Variants in GLI3 observed in about 807,000 individuals in gnomAD.
The protein encoded by GLI3 is GLI family zinc finger 3, also known as transcription activator GLI3.
In GLI3, 20 loss-of-function variants were observed where a neutral mutation model predicts 100.8. That is an observed-to-expected ratio of 0.20 (90% CI 0.14 to 0.29). The LOEUF is 0.29. Ranked by LOEUF, GLI3 falls within the 10% of genes least tolerant of loss-of-function variation. GLI3 has a pLI of 1.00. For synonymous variants in GLI3, 938 were observed against 860.5 expected, an observed-to-expected ratio of 1.09 and a Z score of -1.58; for missense variants, 2,040 against 2,128.5, an observed-to-expected ratio of 0.96 and a Z score of 0.82.
At chr7:42,092,750 C>T (rs1323583775) in intron 3 of GLI3, among the ~76,000 whole-genome samples, 2 of 152,068 alleles carry the variant, frequency 1.3e-5, no homozygotes, top group African/African-American at 4.8e-5. Flanking sequence ...CCATCCAGGG[C>T]ACAGGATTTG....
At chr7:42,011,235 G>C in intron 10 of GLI3, among the ~76,000 whole-genome samples, 1 of 152,274 alleles carries the variant, frequency 6.6e-6, no homozygotes, top group African/African-American at 2.4e-5. Flanking sequence ...CCCCAGCCCA[G>C]GGGAGCTTAG....
At chr7:42,058,020 T>G (rs756854440) in intron 4 of GLI3, among the ~76,000 whole-genome samples, 12 of 151,930 alleles carry the variant, frequency 7.9e-5, no homozygotes, top group Non-Finnish European at 1.6e-4. Context: ...CAAAAACCAC[T>G]TGTACCCCAA....
chr7:42,137,080 G>A (rs1786446676), intron 3 of GLI3, among the ~76,000 whole-genome samples: 1 of 152,204 alleles, frequency 6.6e-6, no homozygotes, highest in South Asian at 2.1e-4. Context: ...TTCCTCATAT[G>A]TCAAAGGGGA....
At chr7:41,975,049 A>C (rs1171117420) in intron 12 of GLI3, among the ~76,000 whole-genome samples, 1 of 152,190 alleles carries the variant, frequency 6.6e-6, no homozygotes, top group African/African-American at 2.4e-5. Flanking sequence ...GCAGCTTTCT[A>C]GAGAGGGAGG....
intron 2 of GLI3, among the ~76,000 whole-genome samples, chr7:42,159,342 C>A (rs548054104): frequency 1.3e-5 from 2 of 152,286 alleles, no homozygotes; most frequent in East Asian, 3.9e-4. Context: ...TTGGAAGCAG[C>A]TTTGCTTGGA....
intron 2 of GLI3, among the ~76,000 whole-genome samples, chr7:42,192,008 A>C (rs1346354648): frequency 6.6e-6 from 1 of 151,232 alleles, no homozygotes; most frequent in Non-Finnish European, 1.5e-5. Context: ...CCATGCAAAA[A>C]CATGAAAAAA....
intron 2 of GLI3, among the ~76,000 whole-genome samples, chr7:42,206,270 A>AAAT (rs970290865): frequency 2.4e-4 from 36 of 151,020 alleles, no homozygotes; most frequent in African/African-American, 4.1e-4. Flanking sequence ...CCCATCTAAA[A>AAAT]AATAATAATA....
intron 3 of GLI3, among the ~76,000 whole-genome samples, chr7:42,134,905 A>G (rs1436653842): frequency 6.6e-6 from 1 of 152,104 alleles, no homozygotes; most frequent in Non-Finnish European, 1.5e-5. Flanking sequence ...AAAACGCAGC[A>G]TCGGCATATG....
intron 7 of GLI3, among the ~76,000 whole-genome samples, chr7:42,038,436 T>C (rs1211819053): frequency 6.6e-6 from 1 of 152,208 alleles, no homozygotes; most frequent in Non-Finnish European, 1.5e-5. Flanking sequence ...GTCTTATCTG[T>C]AGTTTACAGA....
At chr7:42,009,453 A>ACTTTCTATC (rs1370646840) in intron 10 of GLI3, among the ~76,000 whole-genome samples, 1 of 148,232 alleles carries the variant, frequency 6.7e-6, no homozygotes, top group African/African-American at 2.5e-5. Flanking sequence ...GATAGTCACC[A>ACTTTCTATC]CTTTCTATCT....
At chr7:42,094,257 C>T (rs370917381) in intron 3 of GLI3, among the ~76,000 whole-genome samples, 2 of 152,184 alleles carry the variant, frequency 1.3e-5, no homozygotes, top group Non-Finnish European at 2.9e-5. Context: ...CTGCTTCAGT[C>T]CTAACACCTC....
chr7:42,261,643 A>G (rs1488239028), intron 1 of GLI3, among the ~76,000 whole-genome samples: 1 of 152,236 alleles, frequency 6.6e-6, no homozygotes, highest in Admixed American at 6.5e-5. Context: ...GGCCTTACTA[A>G]TATACTCAGT....
In GLI3 at chr7:42,122,591, T is replaced by C. The variant is rs115711174; in HGVS notation, c.367+25635A>G. On this transcript the variant is annotated intron_variant, in intron 3 of 14. Transcript: ENST00000395925. ...AAGGAAGCTGAGGGGTTAAGTGACT[T>C]ACACAAGTCAGCCAGCAAAGGGCTG... is the stretch of plus-strand genomic sequence containing the variant. Among the ~76,000 whole-genome samples the C allele has an allele frequency of 9.7e-3, 1,482 of 152,270 alleles. 29 individuals are homozygous for C. Among genetic ancestry groups the C allele is most frequent in the African/African-American group, 0.034 (1,402 of 41,544 alleles).
chr7:42,037,058 T>A (rs1388225341), intron 7 of GLI3, among the ~76,000 whole-genome samples: 1 of 152,120 alleles, frequency 6.6e-6, no homozygotes, highest in Admixed American at 6.6e-5. Flanking sequence ...GAAGAATCGC[T>A]TGAACCTGGC....
At chr7:42,015,701 T>C (rs1788739601) in intron 10 of GLI3, among the ~76,000 whole-genome samples, 1 of 151,234 alleles carries the variant, frequency 6.6e-6, no homozygotes, top group Non-Finnish European at 1.5e-5. Context: ...CCTTAGCAAA[T>C]GTGGTTTTTA....
intron 4 of GLI3, among the ~76,000 whole-genome samples, chr7:42,069,096 C>G (rs560140001): frequency 6.6e-6 from 1 of 152,218 alleles, no homozygotes; most frequent in South Asian, 2.1e-4. Flanking sequence ...GTTCAGTGAA[C>G]GTGAATACCT....
rs554073237 is a variant in GLI3 at position 41,990,786 on chromosome 7, C to T, written c.1498-12038G>A. Among the ~76,000 whole-genome samples the T allele has an allele frequency of 7.2e-5, 11 of 152,144 alleles. No homozygotes were observed. The South Asian group carries it at 1.7e-3, about 23-fold the overall frequency. ...TGGCTCTCCCTGAAGGCCTACTGCTCGTCACATTGCTAAGGGAGGGTCTTA... is the reference window on the plus strand; with the variant it reads ...TGGCTCTCCCTGAAGGCCTACTGCTTGTCACATTGCTAAGGGAGGGTCTTA... On this transcript the variant is annotated intron_variant, in intron 10 of 14. Transcript: ENST00000395925.
chr7:41,980,117 G>C (rs73320213), intron 10 of GLI3, among the ~76,000 whole-genome samples: 7,472 of 152,302 alleles, frequency 0.049, 274 homozygotes, highest in African/African-American at 0.095. Flanking sequence ...ATCTGATGAA[G>C]AGCAGAGAGA....
At chr7:42,238,765 A>G (rs1425202019), upstream of GLI3, among the ~76,000 whole-genome samples, 3 of 152,156 alleles carry the variant, frequency 2.0e-5, no homozygotes, top group African/African-American at 2.4e-5. Context: ...TCTCGGGGGG[A>G]AACACAGGAA....
Sources: allele counts gnomAD v4.1 joint callset (sites outside exome capture counted in the v4.1 genomes callset), GRCh38; gene constraint gnomAD v4.1.1; transcripts MANE v1.5; gene names NCBI Gene and HGNC (gene_info 2026-07-23, HGNC 2026-07-21).